ZBTB20: variants seen among roughly 807,000 people sequenced by gnomAD.
The protein encoded by ZBTB20 is zinc finger and BTB domain containing 20.
Under a neutral mutation model 56.9 loss-of-function variants are expected in ZBTB20, and 9 were observed. The observed-to-expected ratio is 0.16, with a 90% CI of 0.10 to 0.28. ZBTB20 has a LOEUF of 0.28. Among genes scored for constraint, ZBTB20 ranks in the 10% least tolerant of loss-of-function variants. The pLI is 1.00. For missense variants in ZBTB20, 655 were observed against 1,003.0 expected (o/e 0.65, Z 4.69); for synonymous variants, 417 against 420.7 (o/e 0.99, Z 0.11).
chr3:114,924,082 A>G (rs2076060956), intron 3 of ZBTB20, among the ~76,000 whole-genome samples: 1 of 152,186 alleles, frequency 6.6e-6, no homozygotes, highest in Non-Finnish European at 1.5e-5. Flanking sequence ...TGGAGAAACG[A>G]AAACACTTGT....
intron 5 of ZBTB20, among the ~76,000 whole-genome samples, chr3:114,728,564 C>T (rs2108526928): frequency 6.6e-6 from 1 of 152,338 alleles, no homozygotes. Context: ...GTCTTTCCAT[C>T]AGACCATAGA....
At chr3:114,411,165 C>A (rs1314624612) in intron 7 of ZBTB20, among the ~76,000 whole-genome samples, 2 of 152,152 alleles carry the variant, frequency 1.3e-5, no homozygotes, top group African/African-American at 4.8e-5. Flanking sequence ...CAAAAATACA[C>A]AAAGTGGGGG....
chr3:115,074,883 T>C (rs2082539554), intron 1 of ZBTB20, among the ~76,000 whole-genome samples: 1 of 152,136 alleles, frequency 6.6e-6, no homozygotes, highest in East Asian at 1.9e-4. Context: ...CCTCTACCTT[T>C]TTATTTTTTC....
chr3:114,462,462 T>A (rs1351144852), intron 7 of ZBTB20, among the ~76,000 whole-genome samples: 1 of 152,208 alleles, frequency 6.6e-6, no homozygotes, highest in Non-Finnish European at 1.5e-5. Context: ...CTATGGCTTG[T>A]GGGATTCAGA....
chr3:115,106,980 T>G (rs905820521), intron 1 of ZBTB20, among the ~76,000 whole-genome samples: 2 of 152,106 alleles, frequency 1.3e-5, no homozygotes, highest in Non-Finnish European at 2.9e-5. Flanking sequence ...TTAAATAAAT[T>G]TGAGATATAA....
chr3:114,823,804 T>C (rs961784392), intron 4 of ZBTB20, among the ~76,000 whole-genome samples: 2 of 152,086 alleles, frequency 1.3e-5, no homozygotes, highest in African/African-American at 2.4e-5. Flanking sequence ...ATTTGAACTG[T>C]AGTGCCAATA....
intron 5 of ZBTB20, among the ~76,000 whole-genome samples, chr3:114,796,852 TA>T: frequency 6.6e-6 from 1 of 152,066 alleles, no homozygotes; most frequent in African/African-American, 2.4e-5. Flanking sequence ...AATATAGGAC[TA>T]AAGTTCTGAA....
At chr3:114,795,046 G>T (rs1349664559) in intron 5 of ZBTB20, among the ~76,000 whole-genome samples, 4 of 152,074 alleles carry the variant, frequency 2.6e-5, no homozygotes, top group African/African-American at 9.6e-5. Context: ...ACCAACAACA[G>T]AATTTTAATA....
rs764881600 is a variant in ZBTB20, at chr3:114,380,837, G to A, written c.-50C>T. On this transcript the variant is annotated 5_prime_UTR_variant, in exon 9 of 12. Transcript: ENST00000675478. The stretch of plus-strand genomic sequence containing the variant: ...CTCGTGGAGTAATGGGAGGAGCACT[G>A]GACTGGGAGTCAGGAGACTTGAGCT... 5.5e-6 allele frequency: 8 copies of A among 1,458,172 alleles called. No individual in the cohort carries two copies. Among genetic ancestry groups the A allele is most frequent in the Non-Finnish European group, 7.2e-6 (8 of 1,112,070 alleles). 90.3% of individuals were successfully genotyped at this position (1,458,172 alleles called of 1,614,324 possible).
At chr3:114,723,956 C>G (rs1462538488) in intron 5 of ZBTB20, among the ~76,000 whole-genome samples, 2 of 152,028 alleles carry the variant, frequency 1.3e-5, no homozygotes, top group East Asian at 3.9e-4. Flanking sequence ...ACAAGCTCCG[C>G]CTCCCGGGTT....
chr3:114,326,733 C>A lies in ZBTB20; in HGVS notation c.*12272G>T, dbSNP rs964331371. ...TAAATCAAGGTTTATAGATAGCAAA[C>A]AACTGTTTGAATGTGTGAAAGTATT... On this transcript the variant is annotated 3_prime_UTR_variant, in exon 12 of 12. Transcript: ENST00000675478. 1.3e-5 allele frequency: 2 copies of A among 152,086 alleles called. No homozygotes were observed. The highest frequency in any genetic ancestry group is 4.8e-5 in the African/African-American group (2 of 41,426). 9.4% of individuals were successfully genotyped at this position (152,086 alleles called of 1,614,324 possible).
At chr3:114,556,297 C>T (rs887789733) in intron 6 of ZBTB20, among the ~76,000 whole-genome samples, 1 of 152,140 alleles carries the variant, frequency 6.6e-6, no homozygotes, top group Admixed American at 6.6e-5. Context: ...CTGTACCTTC[C>T]CAATCTTATC....
At chr3:114,688,787 A>G (rs2062511543) in intron 6 of ZBTB20, among the ~76,000 whole-genome samples, 1 of 152,178 alleles carries the variant, frequency 6.6e-6, no homozygotes, top group Non-Finnish European at 1.5e-5. Context: ...CCACAAATAC[A>G]TTAGGTTGAT....
At chr3:114,629,667 T>C (rs1026908269) in intron 6 of ZBTB20, among the ~76,000 whole-genome samples, 1 of 152,168 alleles carries the variant, frequency 6.6e-6, no homozygotes, top group African/African-American at 2.4e-5. Context: ...AAAAGATGAC[T>C]TATCATATTT....
chr3:114,671,976 A>G (rs1183942566), intron 6 of ZBTB20, among the ~76,000 whole-genome samples: 2 of 152,150 alleles, frequency 1.3e-5, no homozygotes, highest in South Asian at 2.1e-4. Flanking sequence ...AAGCGCCTCT[A>G]AACTCCACCA....
At chr3:114,963,938 T>C (rs548325118) in intron 3 of ZBTB20, among the ~76,000 whole-genome samples, 2 of 152,320 alleles carry the variant, frequency 1.3e-5, no homozygotes, top group Admixed American at 6.5e-5. Flanking sequence ...CTTTTTCCTA[T>C]ATTTTTGTTA....
intron 7 of ZBTB20, among the ~76,000 whole-genome samples, chr3:114,399,164 A>G (rs2086596293): frequency 6.6e-6 from 1 of 152,132 alleles, no homozygotes; most frequent in African/African-American, 2.4e-5. Flanking sequence ...ATGCTTAGTC[A>G]GGGAGTTTTA....
chr3:114,711,932 T>A (rs2064114462), intron 5 of ZBTB20, among the ~76,000 whole-genome samples: 1 of 152,238 alleles, frequency 6.6e-6, no homozygotes, highest in South Asian at 2.1e-4. Context: ...TTTTCCTTCA[T>A]AGATTAGACT....
intron 6 of ZBTB20, among the ~76,000 whole-genome samples, chr3:114,618,129 T>C (rs1425480806): frequency 6.6e-6 from 1 of 151,758 alleles, no homozygotes; most frequent in Non-Finnish European, 1.5e-5. Flanking sequence ...TGGAATAGTG[T>C]TGGGTACATA....
Sources: gnomAD v4.1 joint callset for allele counts (sites outside exome capture counted in the v4.1 genomes callset) on GRCh38, gnomAD v4.1.1 for gene constraint, MANE v1.5 for transcripts, NCBI Gene and HGNC (gene_info 2026-07-23, HGNC 2026-07-21) for gene names.